The following EBF1 variants were observed in gnomAD, a reference collection of about 807,000 sequenced individuals.
EBF1 encodes EBF transcription factor 1.
EBF1 carries 10 observed loss-of-function variants against 68.4 expected under a neutral mutation model. The observed-to-expected ratio is 0.15, with a 90% CI of 0.09 to 0.25. EBF1 has a LOEUF of 0.25. Ranked by LOEUF, EBF1 falls within the 10% of genes least tolerant of loss-of-function variation. The pLI is 1.00. For missense variants in EBF1, 509 were observed against 794.4 expected, an observed-to-expected ratio of 0.64 and a Z score of 4.32; for synonymous variants, 298 against 299.8, an observed-to-expected ratio of 0.99 and a Z score of 0.06.
At chr5:158,948,373 T>G (rs898527674) in intron 6 of EBF1, among the ~76,000 whole-genome samples, 1 of 151,682 alleles carries the variant, frequency 6.6e-6, no homozygotes, top group Non-Finnish European at 1.5e-5. Flanking sequence ...TACACTGGAA[T>G]GTTTAAAAAA....
At chr5:159,005,571 T>C (rs970769580) in intron 6 of EBF1, among the ~76,000 whole-genome samples, 1 of 152,228 alleles carries the variant, frequency 6.6e-6, no homozygotes. Flanking sequence ...ATTTCTTTCC[T>C]GTACATTTAT....
At chr5:158,905,572 G>A (rs976863310) in intron 6 of EBF1, among the ~76,000 whole-genome samples, 5 of 152,122 alleles carry the variant, frequency 3.3e-5, no homozygotes, top group African/African-American at 1.2e-4. Flanking sequence ...TGAAAAATGG[G>A]CCCATAAATG....
At chr5:159,052,723 T>G (rs1447459085) in intron 6 of EBF1, among the ~76,000 whole-genome samples, 1 of 152,190 alleles carries the variant, frequency 6.6e-6, no homozygotes, top group Non-Finnish European at 1.5e-5. Flanking sequence ...ATTGTTTTAG[T>G]GAAGCTCACT....
intron 10 of EBF1, among the ~76,000 whole-genome samples, chr5:158,733,947 A>C (rs1229210066): frequency 1.3e-5 from 2 of 152,166 alleles, no homozygotes; most frequent in Admixed American, 1.3e-4. Flanking sequence ...TGTTATTTTA[A>C]CTGCCCCCAC....
rs1445862938 is a variant in EBF1 at position 158,875,052 on chromosome 5, C to CAT, written c.555-34943_555-34942insAT. 1.3e-4 allele frequency among the ~76,000 whole-genome samples: 13 copies of CAT among 97,398 alleles called. No homozygotes were observed. The South Asian group carries it at 1.6e-3, about 12-fold the overall frequency. 63.9% of individuals were successfully genotyped at this position (97,398 alleles called of 152,430 possible). A position where few individuals can be genotyped will look rare whatever the true frequency, so the allele number is the denominator to read the frequency against. ...ATGAACACACACAAGCACACACACA[C>CAT]ACATACACACACACACACACACACA... On this transcript the variant is annotated intron_variant, in intron 6 of 15. Coordinates refer to ENST00000313708, the MANE Select transcript of EBF1 (RefSeq NM_024007.5).
intron 11 of EBF1, among the ~76,000 whole-genome samples, chr5:158,724,037 C>A (rs1762472487): frequency 6.6e-6 from 1 of 152,124 alleles, no homozygotes; most frequent in Non-Finnish European, 1.5e-5. Context: ...GGATACCAAG[C>A]CCCTAGACTG....
chr5:159,011,649 C>T (rs751247114), intron 6 of EBF1, among the ~76,000 whole-genome samples: 1 of 152,178 alleles, frequency 6.6e-6, no homozygotes, highest in Non-Finnish European at 1.5e-5. Context: ...TTGTTACCTC[C>T]TGCATCAAGA....
In EBF1 at chr5:158,747,610, G is replaced by A. The variant is rs548225095; in HGVS notation, c.1037-16453C>T. ...GGACCCTGAAAGTATCATGGACCAT[G>A]TCTACAAAGCATCCGCATGTTTTAA... On this transcript the variant is annotated intron_variant, in intron 10 of 15. Transcript: ENST00000313708. Among the ~76,000 whole-genome samples the A allele has an allele frequency of 4.6e-5, 7 of 152,294 alleles. No homozygotes were observed. The East Asian group carries it at 1.3e-3, about 29-fold the overall frequency.
intron 6 of EBF1, among the ~76,000 whole-genome samples, chr5:158,877,276 T>C (rs1298010234): frequency 6.6e-6 from 1 of 152,216 alleles, no homozygotes; most frequent in African/African-American, 2.4e-5. Flanking sequence ...TGTCACTTAC[T>C]AGGTGCATGC....
intron 10 of EBF1, among the ~76,000 whole-genome samples, chr5:158,767,985 T>A (rs1169603107): frequency 6.6e-6 from 1 of 152,052 alleles, no homozygotes; most frequent in Non-Finnish European, 1.5e-5. Context: ...CAGGGGAGCA[T>A]GATTATGGAA....
intron 9 of EBF1, among the ~76,000 whole-genome samples, chr5:158,789,410 A>T (rs1056190881): frequency 6.6e-6 from 1 of 152,124 alleles, no homozygotes; most frequent in Non-Finnish European, 1.5e-5. Context: ...TTTTTATTTT[A>T]GTGGAGCTGT....
chr5:158,972,134 T>C (rs1374361330), intron 6 of EBF1, among the ~76,000 whole-genome samples: 1 of 152,148 alleles, frequency 6.6e-6, no homozygotes. Flanking sequence ...GAAGGGCTGA[T>C]GACCTTTGTG....
chr5:159,091,059 C>T (rs1274165285), intron 4 of EBF1, among the ~76,000 whole-genome samples: 1 of 152,166 alleles, frequency 6.6e-6, no homozygotes, highest in African/African-American at 2.4e-5. Context: ...ACTCCTTCAT[C>T]GCTCTCAGCA....
intron 7 of EBF1, 24 bp from the exon 8 acceptor site, chr5:158,823,341 A>G (rs768314278): frequency 1.9e-6 from 3 of 1,590,616 alleles, no homozygotes; most frequent in South Asian, 1.1e-5. Context: ...AAAGAAATGA[A>G]TGAACATTTT....
chr5:158,913,684 G>A (rs1298213078), intron 6 of EBF1, among the ~76,000 whole-genome samples: 4 of 152,176 alleles, frequency 2.6e-5, no homozygotes, highest in African/African-American at 9.7e-5. Flanking sequence ...GGCAAGGCAG[G>A]GAGCAGGCCC....
chr5:158,947,917 A>G (rs2127492583), intron 6 of EBF1, among the ~76,000 whole-genome samples: 1 of 152,276 alleles, frequency 6.6e-6, no homozygotes, highest in South Asian at 2.1e-4. Context: ...TCCATTAACA[A>G]CCAGCTTTTG....
At chr5:158,700,193 G>T (rs1416750038) in intron 15 of EBF1, among the ~76,000 whole-genome samples, 2 of 152,234 alleles carry the variant, frequency 1.3e-5, no homozygotes, top group African/African-American at 4.8e-5. Flanking sequence ...TTTCTGAGGT[G>T]TATTTGCTCT....
At chr5:158,712,129 A>G (rs1465501534) in intron 14 of EBF1, 25 bp downstream of exon 14, 1 of 1,612,022 alleles carries the variant, frequency 6.2e-7, no homozygotes, top group African/African-American at 1.3e-5. Flanking sequence ...ACGTGCAGGA[A>G]CGCAGGATAT....
chr5:158,939,942 C>G (rs908213764), intron 6 of EBF1, among the ~76,000 whole-genome samples: 8 of 152,128 alleles, frequency 5.3e-5, no homozygotes, highest in Non-Finnish European at 8.8e-5. Flanking sequence ...ACAGAATACA[C>G]TTATACCCTC....
Sources: allele counts gnomAD v4.1 joint callset (sites outside exome capture counted in the v4.1 genomes callset), GRCh38; gene constraint gnomAD v4.1.1; transcripts MANE v1.5; gene names NCBI Gene and HGNC (gene_info 2026-07-23, HGNC 2026-07-21).